The following FER variants were observed in gnomAD, a reference collection of about 807,000 sequenced individuals.
FER encodes the protein FER tyrosine kinase, also known as tyrosine-protein kinase Fer.
FER carries 63 observed loss-of-function variants against 111.0 expected under a neutral mutation model. The observed-to-expected ratio is 0.57, with a 90% confidence interval of 0.46 to 0.70. FER has a LOEUF of 0.70. Among genes scored for constraint, FER ranks in the 30% least tolerant of loss-of-function variants. The pLI is 0.00. For synonymous variants in FER, 327 were observed against 313.9 expected, an observed-to-expected ratio of 1.04 and a Z score of -0.44; for missense variants, 914 against 954.0, an observed-to-expected ratio of 0.96 and a Z score of 0.55.
chr5:108,921,880 ATG>A (rs1753065974), intron 10 of FER, among the ~76,000 whole-genome samples: 1 of 152,184 alleles, frequency 6.6e-6, no homozygotes, highest in African/African-American at 2.4e-5. Context: ...GGTTTGAATT[ATG>A]TGCCCCCAAA....
chr5:109,083,049 C>G (rs1777171338), intron 16 of FER, among the ~76,000 whole-genome samples: 2 of 151,936 alleles, frequency 1.3e-5, no homozygotes, highest in African/African-American at 4.8e-5. Context: ...GGTGTTAAAT[C>G]TATATTTGAA....
At chr5:109,005,395 CTGTA>C (rs1033167852) in intron 13 of FER, among the ~76,000 whole-genome samples, 15 of 151,784 alleles carry the variant, frequency 9.9e-5, no homozygotes, top group African/African-American at 3.6e-4. Flanking sequence ...GTGTATTTCT[CTGTA>C]TGTGTTTATT....
At chr5:108,954,145 T>TA (rs1349471421) in intron 11 of FER, among the ~76,000 whole-genome samples, 1 of 152,080 alleles carries the variant, frequency 6.6e-6, no homozygotes, top group African/African-American at 2.4e-5. Flanking sequence ...CCTAGGGCTT[T>TA]ATCTACCATT....
intron 10 of FER, among the ~76,000 whole-genome samples, chr5:108,933,860 G>C (rs546225169): frequency 1.3e-5 from 2 of 152,016 alleles, no homozygotes; most frequent in Non-Finnish European, 2.9e-5. Flanking sequence ...TATTCTCTCT[G>C]TAGCAGTTTT....
intron 17 of FER, among the ~76,000 whole-genome samples, chr5:109,152,824 ATCT>A (rs1754995394): frequency 6.6e-6 from 1 of 151,950 alleles, no homozygotes; most frequent in Admixed American, 6.6e-5. Context: ...TGCACTACCT[ATCT>A]TATTACCACC....
At chr5:108,798,790 G>T (rs980451900) in intron 3 of FER, among the ~76,000 whole-genome samples, 1 of 152,306 alleles carries the variant, frequency 6.6e-6, no homozygotes. Context: ...CAAGGCTGCA[G>T]TGAGCCGTGG....
intron 13 of FER, among the ~76,000 whole-genome samples, chr5:109,016,424 A>C (rs1001464425): frequency 2.6e-5 from 4 of 152,052 alleles, no homozygotes; most frequent in Admixed American, 1.3e-4. Flanking sequence ...ATGAATAAAG[A>C]TAAGAGGATT....
At chr5:109,100,833 C>T (rs1748136777) in intron 17 of FER, among the ~76,000 whole-genome samples, 1 of 151,224 alleles carries the variant, frequency 6.6e-6, no homozygotes, top group Non-Finnish European at 1.5e-5. Flanking sequence ...GCCTTATAAT[C>T]AGATAAGATT....
At chr5:109,038,641 C>T (rs1205830232) in intron 14 of FER, among the ~76,000 whole-genome samples, 2 of 151,810 alleles carry the variant, frequency 1.3e-5, no homozygotes, top group Non-Finnish European at 2.9e-5. Context: ...ATGTTATTTC[C>T]TCTGGGTTTA....
At chr5:108,901,550 G>A (rs1750028039) in intron 10 of FER, among the ~76,000 whole-genome samples, 1 of 152,072 alleles carries the variant, frequency 6.6e-6, no homozygotes, top group South Asian at 2.1e-4. Flanking sequence ...TAAAAGTGAA[G>A]CATCTTCAAT....
intron 5 of FER, among the ~76,000 whole-genome samples, chr5:108,866,824 G>A (rs1234104443): frequency 1.3e-5 from 2 of 152,112 alleles, no homozygotes; most frequent in Non-Finnish European, 2.9e-5. Context: ...TGCATCAAAA[G>A]TTTAAGATCT....
intron 16 of FER, among the ~76,000 whole-genome samples, chr5:109,058,690 GT>G (rs1561839649): frequency 8.2e-6 from 1 of 121,352 alleles, no homozygotes; most frequent in Non-Finnish European, 1.8e-5. Context: ...ATATAATTTT[GT>G]GCTATCTTCT....
intron 17 of FER, among the ~76,000 whole-genome samples, chr5:109,123,322 AT>A (rs976089359): frequency 6.6e-6 from 1 of 151,304 alleles, no homozygotes; most frequent in Non-Finnish European, 1.5e-5. Flanking sequence ...TGCCCAGCTA[AT>A]TTTTTTGTAT....
intron 14 of FER, among the ~76,000 whole-genome samples, chr5:109,041,482 A>G (rs1403996412): frequency 6.6e-6 from 1 of 152,140 alleles, no homozygotes; most frequent in Admixed American, 6.5e-5. Context: ...GAAGTAAGCT[A>G]GAAAGATAGA....
rs1754074703 is a variant in FER, at chr5:108,781,514, A to G, written c.-60+13276A>G. ...GCCCAGCCTGTGTTTTTTGCCTTTT[A>G]GTGTGACATATAAATTTTTCTTGAT... On this transcript the variant is annotated intron_variant, in intron 2 of 19. Transcript: ENST00000281092. Among the ~76,000 whole-genome samples the G allele has an allele frequency of 2.6e-5, 4 of 152,118 alleles. No individual in the cohort carries two copies. The South Asian group carries it at 8.3e-4, about 32-fold the overall frequency.
At chr5:109,074,822 A>G (rs1408590410) in intron 16 of FER, among the ~76,000 whole-genome samples, 5 of 152,254 alleles carry the variant, frequency 3.3e-5, no homozygotes, top group Admixed American at 3.3e-4. Flanking sequence ...GTTTTGCAGT[A>G]AGTGACGTGA....
chr5:109,055,414 C>T (rs1213331563), intron 16 of FER, among the ~76,000 whole-genome samples: 3 of 152,126 alleles, frequency 2.0e-5, no homozygotes, highest in Admixed American at 2.0e-4. Flanking sequence ...AATCATATAC[C>T]TGATAAGGGG....
intron 13 of FER, among the ~76,000 whole-genome samples, chr5:108,967,527 C>T (rs567935793): frequency 2.6e-5 from 4 of 151,888 alleles, no homozygotes; most frequent in East Asian, 1.9e-4. Flanking sequence ...TTTGGGAGGC[C>T]GAGGTGGATG....
chr5:109,022,151 A>T (rs1768013366), intron 13 of FER, among the ~76,000 whole-genome samples: 1 of 152,072 alleles, frequency 6.6e-6, no homozygotes, highest in Non-Finnish European at 1.5e-5. Context: ...TCTACCTCAG[A>T]GTCTGTAGAT....
Sources: allele counts gnomAD v4.1 joint callset (sites outside exome capture counted in the v4.1 genomes callset), GRCh38; gene constraint gnomAD v4.1.1; transcripts MANE v1.5; gene names NCBI Gene and HGNC (gene_info 2026-07-23, HGNC 2026-07-21).